The following PRKG1 variants were observed in gnomAD, a reference collection of about 807,000 sequenced individuals.
PRKG1 encodes protein kinase cGMP-dependent 1.
Under a neutral mutation model 88.1 loss-of-function variants are expected in PRKG1, and 35 were observed. The observed-to-expected ratio is 0.40, with a 90% CI of 0.30 to 0.53. PRKG1 has a LOEUF of 0.53. Ranked by LOEUF, PRKG1 falls within the 20% of genes least tolerant of loss-of-function variation. PRKG1 has a pLI of 0.59. For synonymous variants in PRKG1, 303 were observed against 292.5 expected (o/e 1.04, Z -0.37); for missense variants, 540 against 839.8 (o/e 0.64, Z 4.41).
chr10:51,431,992 T>G (rs1176227147), intron 2 of PRKG1, among the ~76,000 whole-genome samples: 3 of 152,170 alleles, frequency 2.0e-5, no homozygotes, highest in African/African-American at 4.8e-5. Flanking sequence ...TACATTGACA[T>G]TTGGCAGCAA....
chr10:51,391,245 C>T (rs148467948), intron 2 of PRKG1, among the ~76,000 whole-genome samples: 27 of 152,284 alleles, frequency 1.8e-4, no homozygotes, highest in African/African-American at 6.0e-4. Context: ...ATAAAACTTA[C>T]CTCCTGCAGA....
Position 52,188,332 on chromosome 10 carries a change from A to G in PRKG1, c.1076+26369A>G, listed in dbSNP as rs189240208. 1.1e-3 allele frequency among the ~76,000 whole-genome samples: 151 copies of G among 143,208 alleles called. 1 individual carries two copies. The highest frequency in any genetic ancestry group is 3.7e-3 in the African/African-American group (147 of 39,282). 94.0% of individuals were successfully genotyped at this position (143,208 alleles called of 152,430 possible). ...TATATACATATGTATATATATACAC[A>G]TATATATATATATTTCTTTTTGTTT... On this transcript the variant is annotated intron_variant, in intron 9 of 17. Coordinates refer to ENST00000373980, the MANE Select transcript of PRKG1 (RefSeq NM_006258.4).
chr10:51,468,988 C>T (rs184007764), intron 3 of PRKG1, among the ~76,000 whole-genome samples: 3 of 151,898 alleles, frequency 2.0e-5, no homozygotes, highest in African/African-American at 7.2e-5. Flanking sequence ...TAGGATGAGT[C>T]TTCCTTGGCA....
At chr10:51,374,257 C>T (rs1386786673) in intron 2 of PRKG1, among the ~76,000 whole-genome samples, 1 of 148,408 alleles carries the variant, frequency 6.7e-6, no homozygotes, top group Non-Finnish European at 1.5e-5. Flanking sequence ...CCCCAACCCC[C>T]GACAGGCCCC....
chr10:51,307,349 G>T (rs1292826804), intron 2 of PRKG1, among the ~76,000 whole-genome samples: 1 of 152,104 alleles, frequency 6.6e-6, no homozygotes, highest in East Asian at 1.9e-4. Context: ...TGAGAAGACT[G>T]TGGAGGTTAA....
At position 51,076,843 on chromosome 10, in the gene PRKG1, A is replaced by G. The variant is rs1009474119; in HGVS notation, c.311+1942A>G. On this transcript the variant is annotated intron_variant, in intron 1 of 17. Coordinates refer to ENST00000373980, the MANE Select transcript of PRKG1 (RefSeq NM_006258.4). ...TTATCTATCATTATAATAACATTTT[A>G]TCTATCAAACAACACTGTGTGTCCT... Among the ~76,000 whole-genome samples the G allele has an allele frequency of 4.6e-5, 7 of 152,230 alleles. 1 individual carries two copies. Among genetic ancestry groups the G allele is most frequent in the African/African-American group, 1.7e-4 (7 of 41,468 alleles).
intron 8 of PRKG1, among the ~76,000 whole-genome samples, chr10:52,136,355 A>G (rs1050573891): frequency 6.6e-6 from 1 of 152,092 alleles, no homozygotes; most frequent in Non-Finnish European, 1.5e-5. Context: ...AAGGTAGAAA[A>G]TTTGTAGAGA....
chr10:51,954,606 A>G (rs1490035564), intron 5 of PRKG1, among the ~76,000 whole-genome samples: 1 of 152,204 alleles, frequency 6.6e-6, no homozygotes, highest in Non-Finnish European at 1.5e-5. Flanking sequence ...CCTTAGCTTA[A>G]TGAAATTCTC....
At chr10:51,848,985 T>C (rs972407321) in intron 4 of PRKG1, among the ~76,000 whole-genome samples, 2 of 152,172 alleles carry the variant, frequency 1.3e-5, no homozygotes, top group Admixed American at 1.3e-4. Flanking sequence ...TTGCAATATA[T>C]TTAAACTACA....
intron 2 of PRKG1, among the ~76,000 whole-genome samples, chr10:51,335,171 C>T (rs1186088553): frequency 6.6e-6 from 1 of 151,660 alleles, no homozygotes; most frequent in African/African-American, 2.4e-5. Context: ...CACCACCACG[C>T]CTGGCTAATT....
chr10:52,040,967 G>T (rs549257380), intron 5 of PRKG1, among the ~76,000 whole-genome samples: 2 of 150,032 alleles, frequency 1.3e-5, no homozygotes, highest in Admixed American at 1.4e-4. Context: ...CTTCTGAGTA[G>T]CTGGGATTAC....
At chr10:52,089,425 G>GTA (rs1846995570) in intron 7 of PRKG1, among the ~76,000 whole-genome samples, 2 of 152,170 alleles carry the variant, frequency 1.3e-5, no homozygotes, top group African/African-American at 4.8e-5. Context: ...AGACTAGTTA[G>GTA]TATAATTTGG....
At chr10:51,951,988 C>T (rs559063609) in intron 5 of PRKG1, among the ~76,000 whole-genome samples, 2 of 152,132 alleles carry the variant, frequency 1.3e-5, no homozygotes, top group African/African-American at 4.8e-5. Context: ...GTTATTGGAA[C>T]CTTGCCATAC....
chr10:51,377,082 A>T (rs1481695394), intron 2 of PRKG1, among the ~76,000 whole-genome samples: 1 of 151,908 alleles, frequency 6.6e-6, no homozygotes, highest in Non-Finnish European at 1.5e-5. Flanking sequence ...ACCTGTTAGC[A>T]GTTAAAAAAA....
chr10:51,514,987 A>G (rs1012771007), intron 3 of PRKG1, among the ~76,000 whole-genome samples: 4 of 152,138 alleles, frequency 2.6e-5, no homozygotes, highest in African/African-American at 9.7e-5. Flanking sequence ...CCTCTACCCA[A>G]CAGATGTCAG....
chr10:51,590,013 G>A (rs1838269822), intron 3 of PRKG1, among the ~76,000 whole-genome samples: 1 of 152,164 alleles, frequency 6.6e-6, no homozygotes, highest in African/African-American at 2.4e-5. Flanking sequence ...CCTGCTTACT[G>A]TTGGGAGAAA....
chr10:51,353,925 T>G (rs937078437), intron 2 of PRKG1, among the ~76,000 whole-genome samples: 3 of 151,806 alleles, frequency 2.0e-5, no homozygotes, highest in Non-Finnish European at 2.9e-5. Context: ...CAATGTGATA[T>G]CTATATCTAA....
At chr10:51,009,131 GA>G (rs201327110) in intron 1 of PRKG1, among the ~76,000 whole-genome samples, 8 of 151,394 alleles carry the variant, frequency 5.3e-5, no homozygotes, top group Non-Finnish European at 1.0e-4. Flanking sequence ...ATTTTAGAAG[GA>G]AAAAAAACCC....
intron 8 of PRKG1, among the ~76,000 whole-genome samples, chr10:52,141,815 A>G (rs1165907862): frequency 6.6e-6 from 1 of 152,200 alleles, no homozygotes; most frequent in Non-Finnish European, 1.5e-5. Context: ...GGAGAAGTAA[A>G]AGGGAACATA....
Sources: gnomAD v4.1 joint callset for allele counts (sites outside exome capture counted in the v4.1 genomes callset) on GRCh38, gnomAD v4.1.1 for gene constraint, MANE v1.5 for transcripts, NCBI Gene and HGNC (gene_info 2026-07-23, HGNC 2026-07-21) for gene names.